JAZF1: variants seen among roughly 807,000 people sequenced by gnomAD.
The protein encoded by JAZF1 is juxtaposed with another zinc finger protein 1.
A neutral mutation model predicts 26.4 loss-of-function variants in JAZF1; 8 were observed. The ratio of observed to expected loss-of-function variants is 0.30; its 90% CI spans 0.18 to 0.55. JAZF1 has a LOEUF of 0.55. JAZF1 is among the 20% of genes least tolerant of loss of function. The probability of loss-of-function intolerance (pLI) is 0.94; values close to 1 mark genes in which losing one functional copy is unlikely to be tolerated. For missense variants in JAZF1, 199 were observed against 322.0 expected (o/e 0.62, Z 2.92); for synonymous variants, 126 against 122.3 (o/e 1.03, Z -0.20).
chr7:28,139,586 C>A (rs753563075), intron 1 of JAZF1, among the ~76,000 whole-genome samples: 2 of 152,158 alleles, frequency 1.3e-5, no homozygotes, highest in Non-Finnish European at 2.9e-5. Flanking sequence ...CCTTCCCTAG[C>A]ACCTTTAGAG....
rs1008106063 is a variant in JAZF1, at chr7:28,004,957, C to A, written c.116-12976G>T. ...GTGAACCACAAGACCTACCTGAAAT[C>A]ATTAAATTTTGACTTCACTTGGGAC... On this transcript the variant is annotated intron_variant, in intron 1 of 4. Coordinates refer to ENST00000283928, the MANE Select transcript of JAZF1 (RefSeq NM_175061.4). 2.6e-5 allele frequency among the ~76,000 whole-genome samples: 4 copies of A among 152,274 alleles called. No homozygotes were observed. In the East Asian group the frequency reaches 7.7e-4, roughly 29 times the overall value.
At chr7:27,870,281 A>T (rs932777292) in intron 3 of JAZF1, among the ~76,000 whole-genome samples, 5 of 151,848 alleles carry the variant, frequency 3.3e-5, no homozygotes, top group Non-Finnish European at 7.4e-5. Context: ...TGGAGGAGGT[A>T]CTGGTCCTGC....
intron 1 of JAZF1, among the ~76,000 whole-genome samples, chr7:28,149,003 A>G (rs1433953457): frequency 2.0e-5 from 3 of 152,224 alleles, no homozygotes; most frequent in Non-Finnish European, 2.9e-5. Flanking sequence ...CATATTAACG[A>G]AGAGATGGTA....
At chr7:28,102,457 A>C (rs1485512871) in intron 1 of JAZF1, among the ~76,000 whole-genome samples, 1 of 152,232 alleles carries the variant, frequency 6.6e-6, no homozygotes, top group Non-Finnish European at 1.5e-5. Flanking sequence ...GGCAGTCCCT[A>C]GGTTATTTCT....
At chr7:28,042,540 T>G (rs1783411068) in intron 1 of JAZF1, among the ~76,000 whole-genome samples, 1 of 152,182 alleles carries the variant, frequency 6.6e-6, no homozygotes, top group African/African-American at 2.4e-5. Context: ...AAGTAACAAC[T>G]GTCCTTTAAC....
chr7:28,145,233 C>T (rs1333428763), intron 1 of JAZF1, among the ~76,000 whole-genome samples: 1 of 152,188 alleles, frequency 6.6e-6, no homozygotes, highest in Non-Finnish European at 1.5e-5. Flanking sequence ...GAAAAGGTAA[C>T]TAAAATGTCC....
intron 3 of JAZF1, among the ~76,000 whole-genome samples, chr7:27,862,286 A>G (rs1324620673): frequency 6.6e-6 from 1 of 152,106 alleles, no homozygotes; most frequent in East Asian, 1.9e-4. Context: ...GGTTTGGGGT[A>G]CAATTGATCC....
intron 1 of JAZF1, among the ~76,000 whole-genome samples, chr7:28,140,257 A>G (rs1782943387): frequency 6.6e-6 from 1 of 151,676 alleles, no homozygotes; most frequent in African/African-American, 2.4e-5. Flanking sequence ...TAATTTTTGT[A>G]TTTTTAGTAG....
chr7:28,083,585 A>G (rs1784170170), intron 1 of JAZF1, among the ~76,000 whole-genome samples: 1 of 152,286 alleles, frequency 6.6e-6, no homozygotes, highest in African/African-American at 2.4e-5. Context: ...AGACTAAAAT[A>G]CACACAGCAT....
At chr7:28,042,659 G>T (rs930308970) in intron 1 of JAZF1, among the ~76,000 whole-genome samples, 1 of 152,114 alleles carries the variant, frequency 6.6e-6, no homozygotes, top group African/African-American at 2.4e-5. Context: ...GTCAATGATG[G>T]AACACTTACG....
At chr7:28,000,062 G>A (rs1314222626) in intron 1 of JAZF1, among the ~76,000 whole-genome samples, 1 of 152,158 alleles carries the variant, frequency 6.6e-6, no homozygotes, top group Non-Finnish European at 1.5e-5. Flanking sequence ...AGGTGAGGGC[G>A]GGAAACCTAA....
intron 1 of JAZF1, among the ~76,000 whole-genome samples, chr7:28,136,723 G>A (rs1782891738): frequency 6.6e-6 from 1 of 152,192 alleles, no homozygotes; most frequent in Non-Finnish European, 1.5e-5. Context: ...GACAGGAGGA[G>A]GAGGAATTAA....
chr7:28,020,513 C>T (rs1562561420), intron 1 of JAZF1: 1 of 469,330 alleles, frequency 2.1e-6, no homozygotes, highest in African/African-American at 2.0e-5. Context: ...GGACTGATCC[C>T]ATACTGACAT....
chr7:27,864,216 GATTTA>G (rs1271689093), intron 3 of JAZF1: 3 of 152,250 alleles, frequency 2.0e-5, no homozygotes, highest in Admixed American at 6.5e-5. Context: ...CATGGCCCGC[GATTTA>G]ATTTGAGGTC....
chr7:28,096,896 G>C (rs1383354663), intron 1 of JAZF1, among the ~76,000 whole-genome samples: 1 of 152,044 alleles, frequency 6.6e-6, no homozygotes, highest in Non-Finnish European at 1.5e-5. Context: ...TCAGTATTTT[G>C]AAACAGCAAA....
intron 1 of JAZF1, among the ~76,000 whole-genome samples, chr7:27,996,078 TG>T (rs1159849241): frequency 2.0e-5 from 3 of 152,230 alleles, no homozygotes; most frequent in Admixed American, 2.0e-4. Context: ...GCCACGGTTC[TG>T]AAGAATTGCC....
intron 1 of JAZF1, among the ~76,000 whole-genome samples, chr7:28,123,993 G>A (rs1319692130): frequency 6.6e-6 from 1 of 152,178 alleles, no homozygotes; most frequent in Non-Finnish European, 1.5e-5. Context: ...GAGACGCAAC[G>A]TGCCACGTGC....
chr7:27,912,857 C>T (rs1264229707), intron 2 of JAZF1, among the ~76,000 whole-genome samples: 1 of 152,136 alleles, frequency 6.6e-6, no homozygotes, highest in Non-Finnish European at 1.5e-5. Flanking sequence ...TGGGAAAAGA[C>T]TGGAGACGGC....
rs7778576 is a variant in JAZF1, at chr7:28,125,074, C to G, written c.115+55389G>C. 9.0e-3 allele frequency among the ~76,000 whole-genome samples: 1,353 copies of G among 150,990 alleles called. 17 individuals carry two copies. The highest frequency in any genetic ancestry group is 0.031 in the African/African-American group (1,275 of 41,234). ...TGCTTAATCAGCTGTCTGTCACTTTCTGAATAGTGCCTAATATTCTAATTA... is the reference window on the plus strand; with the variant it reads ...TGCTTAATCAGCTGTCTGTCACTTTGTGAATAGTGCCTAATATTCTAATTA... On this transcript the variant is annotated intron_variant, in intron 1 of 4. Coordinates refer to ENST00000283928, the MANE Select transcript of JAZF1 (RefSeq NM_175061.4).
Sources: allele counts gnomAD v4.1 joint callset (sites outside exome capture counted in the v4.1 genomes callset), GRCh38; gene constraint gnomAD v4.1.1; transcripts MANE v1.5; gene names NCBI Gene and HGNC (gene_info 2026-07-23, HGNC 2026-07-21).